ABI3BP: variants seen among roughly 807,000 people sequenced by gnomAD.
ABI3BP encodes target of Nesh-SH3.
ABI3BP carries 216 observed loss-of-function variants against 268.6 expected under a neutral mutation model. That is an observed-to-expected ratio of 0.80 (90% confidence interval 0.72 to 0.90). ABI3BP has a LOEUF of 0.90. Ranked by LOEUF, ABI3BP falls within the 40% of genes least tolerant of loss-of-function variation. ABI3BP has a pLI of 0.00. For synonymous variants in ABI3BP, 730 were observed against 730.0 expected, an observed-to-expected ratio of 1.00 and a Z score of 0.00; for missense variants, 2,090 against 2,182.4, an observed-to-expected ratio of 0.96 and a Z score of 0.84.
chr3:100,790,710 AT>A (rs1031067665), intron 55 of ABI3BP, among the ~76,000 whole-genome samples: 2 of 151,792 alleles, frequency 1.3e-5, no homozygotes, highest in Admixed American at 6.6e-5. Context: ...ATTATTTGCA[AT>A]TTTTTTCTTC....
chr3:100,928,393 C>T lies in ABI3BP; in HGVS notation c.80-1912G>A, dbSNP rs145960122. ...CACCACTTTTGTGCAGCATGTGCTC[C>T]CCAACATCATCACAATGAATTTATT... is the stretch of plus-strand genomic sequence containing the variant. On this transcript the variant is annotated intron_variant, in intron 1 of 67. Coordinates refer to ENST00000471714, the MANE Select transcript of ABI3BP (RefSeq NM_001375547.2). 4.3e-3 allele frequency among the ~76,000 whole-genome samples: 648 copies of T among 152,110 alleles called. 3 individuals carry two copies. The highest frequency in any genetic ancestry group is 0.014 in the African/African-American group (602 of 41,526).
chr3:100,806,438 T>C (rs1317856786), intron 50 of ABI3BP, among the ~76,000 whole-genome samples: 2 of 152,072 alleles, frequency 1.3e-5, no homozygotes. Flanking sequence ...TTGTGATATA[T>C]ATGTGTACAT....
chr3:100,828,350 T>C (rs1281831703), intron 34 of ABI3BP, 43 bp downstream of exon 34: 1 of 1,490,720 alleles, frequency 6.7e-7, no homozygotes, highest in South Asian at 1.2e-5. Flanking sequence ...AGCTTGACAG[T>C]GAGCAGAAAA....
At chr3:100,941,117 GC>G (rs1490961579) in intron 1 of ABI3BP, among the ~76,000 whole-genome samples, 1 of 151,344 alleles carries the variant, frequency 6.6e-6, no homozygotes, top group Non-Finnish European at 1.5e-5. Context: ...AGGAATGGGG[GC>G]TTTTTAAAAA....
At chr3:100,914,697 GA>G (rs1279146165) in intron 2 of ABI3BP, among the ~76,000 whole-genome samples, 1 of 152,200 alleles carries the variant, frequency 6.6e-6, no homozygotes, top group South Asian at 2.1e-4. Flanking sequence ...AGGATGTGGG[GA>G]AAGGGGTATG....
intron 1 of ABI3BP, among the ~76,000 whole-genome samples, chr3:100,970,316 A>T (rs1157237261): frequency 6.6e-6 from 1 of 152,212 alleles, no homozygotes; most frequent in Non-Finnish European, 1.5e-5. Flanking sequence ...ACTTTGAAAT[A>T]TATTGCTTTT....
At chr3:100,759,110 A>G (rs1367947461) in intron 63 of ABI3BP, among the ~76,000 whole-genome samples, 2 of 152,236 alleles carry the variant, frequency 1.3e-5, no homozygotes, top group Non-Finnish European at 2.9e-5. Context: ...TCATTCTAAC[A>G]AAAGTCTTAC....
chr3:100,894,008 A>C (rs914740929), intron 4 of ABI3BP, among the ~76,000 whole-genome samples: 1 of 152,150 alleles, frequency 6.6e-6, no homozygotes, highest in East Asian at 1.9e-4. Context: ...GGAAGGTAGA[A>C]TAGATTGGGG....
intron 1 of ABI3BP, among the ~76,000 whole-genome samples, chr3:100,982,295 G>T (rs1325517465): frequency 6.6e-6 from 1 of 152,118 alleles, no homozygotes; most frequent in Non-Finnish European, 1.5e-5. Context: ...AACTATATTG[G>T]CAGGTAAAGA....
intron 6 of ABI3BP, among the ~76,000 whole-genome samples, chr3:100,884,738 G>GACCAAACACAGC (rs6147977): frequency 2.0e-5 from 3 of 151,046 alleles, no homozygotes; most frequent in Admixed American, 2.0e-4. Context: ...AATATCTAGG[G>GACCAAACACAGC]ACCAAATTCC....
chr3:100,936,587 C>T (rs886490862), intron 1 of ABI3BP, among the ~76,000 whole-genome samples: 2 of 152,044 alleles, frequency 1.3e-5, no homozygotes, highest in African/African-American at 2.4e-5. Flanking sequence ...TAGAATTCGG[C>T]TGTGAATCTG....
chr3:100,883,908 A>G (rs2040624905), intron 6 of ABI3BP, among the ~76,000 whole-genome samples: 1 of 152,090 alleles, frequency 6.6e-6, no homozygotes, highest in South Asian at 2.1e-4. Context: ...TTAAATGCCT[A>G]CAAATTGGAA....
At chr3:100,820,388 A>G in intron 39 of ABI3BP, 85 bp from the exon 40 acceptor site, 1 of 1,005,718 alleles carries the variant, frequency 9.9e-7, no homozygotes, top group Admixed American at 3.1e-5. Flanking sequence ...GATCTCTTAA[A>G]ACTTACTAGA....
At chr3:100,937,990 T>G (rs912318682) in intron 1 of ABI3BP, among the ~76,000 whole-genome samples, 3 of 152,056 alleles carry the variant, frequency 2.0e-5, no homozygotes, top group Non-Finnish European at 1.5e-5. Context: ...AGTAAGTCCT[T>G]TGTGGGAACA....
chr3:100,831,616 T>C (rs1006540187), intron 31 of ABI3BP, among the ~76,000 whole-genome samples: 1 of 152,100 alleles, frequency 6.6e-6, no homozygotes, highest in Non-Finnish European at 1.5e-5. Flanking sequence ...CAGCCCCCTT[T>C]AATTCATCAC....
chr3:100,804,415 G>T (rs186658015), intron 51 of ABI3BP, among the ~76,000 whole-genome samples: 3 of 152,248 alleles, frequency 2.0e-5, no homozygotes, highest in Admixed American at 2.0e-4. Flanking sequence ...AAACATCATT[G>T]CCTCCATTTG....
rs1223052679 is a variant in ABI3BP at position 100,886,213 on chromosome 3, T to A, written c.572A>T (p.Glu191Val). The change falls in exon 5 of 68, where the codon GAA becomes GTA. Residue 191 changes from glutamate (E) to valine (V), a missense_variant. Glu to Val is a moderately radical substitution (Grantham distance 121, BLOSUM62 -2). Transcript: ENST00000471714. The part of the protein sequence containing the change: ...VENLKPNTVY[E>V]FGVKDNVEGG... ...TTCCACATTGTCTTTCACTCCAAAT[T>A]CATAAACTGTGTTGGGCTTTAGGTT... 6.2e-7 allele frequency: 1 copy of A among 1,609,670 alleles called. No individual in the cohort carries two copies. The highest frequency in any genetic ancestry group is 1.3e-5 in the African/African-American group (1 of 74,808).
Position 100,788,761 on chromosome 3 carries a change from C to T in ABI3BP, c.4087+693G>A, listed in dbSNP as rs189479031. Among the ~76,000 whole-genome samples the T allele has an allele frequency of 2.2e-3, 340 of 152,058 alleles. 1 individual carries two copies. The highest frequency in any genetic ancestry group is 8.0e-3 in the African/African-American group (332 of 41,502). On this transcript the variant is annotated intron_variant, in intron 56 of 67. Transcript: ENST00000471714. ...AAAATTATTGTTATAAAGATGCATT[C>T]CCCGAGAACATTCATTCGTAGCAGG...
At chr3:100,885,260 A>C (rs771816702) in intron 6 of ABI3BP, among the ~76,000 whole-genome samples, 2 of 152,098 alleles carry the variant, frequency 1.3e-5, no homozygotes, top group African/African-American at 2.4e-5. Flanking sequence ...GACAGAAGAT[A>C]ATATGTATAA....
Sources: allele counts gnomAD v4.1 joint callset (sites outside exome capture counted in the v4.1 genomes callset), GRCh38; gene constraint gnomAD v4.1.1; transcripts MANE v1.5; gene names NCBI Gene and HGNC (gene_info 2026-07-23, HGNC 2026-07-21).